AP4E1: variants seen among roughly 807,000 people sequenced by gnomAD.
AP4E1 encodes AP-4 complex subunit epsilon-1.
Under a neutral mutation model 128.2 loss-of-function variants are expected in AP4E1, and 56 were observed. The observed-to-expected ratio is 0.44, with a 90% CI of 0.35 to 0.55. The LOEUF is 0.55. Ranked by LOEUF, AP4E1 falls within the 20% of genes least tolerant of loss-of-function variation. The probability of loss-of-function intolerance (pLI) is 0.00; values close to 1 mark genes in which losing one functional copy is unlikely to be tolerated. For synonymous variants in AP4E1, 484 were observed against 473.1 expected, an observed-to-expected ratio of 1.02 and a Z score of -0.30; for missense variants, 1,324 against 1,307.7, an observed-to-expected ratio of 1.01 and a Z score of -0.19.
At position 50,947,903 on chromosome 15, in the gene AP4E1, C is replaced by T. The variant is rs1015207291; in HGVS notation, c.1177-117C>T. The T allele has an allele frequency of 1.0e-4, 83 of 822,944 alleles. 1 individual carries two copies. In the South Asian group the frequency reaches 1.4e-3, roughly 14 times the overall value. 51.0% of individuals were successfully genotyped at this position (822,944 alleles called of 1,614,324 possible). On this transcript the variant is annotated intron_variant, in intron 10 of 20. Coordinates refer to ENST00000261842, the MANE Select transcript of AP4E1 (RefSeq NM_007347.5). ...ATTTCTTACCTGTTAACTGACTACC[C>T]AGTAGATCTCCATAAAAGTAGAAGA...
In AP4E1 at chr15:51,002,705, A is replaced by C. The variant is rs760193497; in HGVS notation, c.*43A>C. 1 of 1,609,338 alleles carries C rather than the reference A, an allele frequency of 6.2e-7. No homozygotes were observed. Among genetic ancestry groups the C allele is most frequent in the South Asian group, 1.1e-5 (1 of 90,754 alleles). ...TTTACTCCATCAAGATCAATGGTTT[A>C]CATAGATAAACTTATTTACCAAAGT... On this transcript the variant is annotated 3_prime_UTR_variant, in exon 21 of 21. Transcript: ENST00000261842.
At chr15:50,947,829 AT>A (rs990542932) in intron 10 of AP4E1, among the ~76,000 whole-genome samples, 190 bp from the exon 11 acceptor site, 4 of 152,282 alleles carry the variant, frequency 2.6e-5, no homozygotes, top group African/African-American at 4.8e-5. Context: ...ATCATAATTC[AT>A]TTTTTGACGA....
intron 5 of AP4E1, 80 bp from the exon 6 acceptor site, chr15:50,928,929 A>G: frequency 7.2e-7 from 1 of 1,383,766 alleles, no homozygotes; most frequent in Non-Finnish European, 1.0e-6. Flanking sequence ...AGTATTTTGA[A>G]ATCATCTGGC....
At chr15:50,924,038 T>C in intron 4 of AP4E1, 34 bp downstream of exon 4, 1 of 1,534,914 alleles carries the variant, frequency 6.5e-7, no homozygotes, top group Non-Finnish European at 9.0e-7. Flanking sequence ...TATGAAGTCA[T>C]AATTCTTGTC....
intron 3 of AP4E1, among the ~76,000 whole-genome samples, chr15:50,920,756 T>G (rs927835195): frequency 1.3e-5 from 2 of 152,214 alleles, no homozygotes; most frequent in Non-Finnish European, 2.9e-5. Flanking sequence ...CTCCTGAATT[T>G]TAAAGCCTGC....
At chr15:50,934,799 C>A in intron 8 of AP4E1, 102 bp downstream of exon 8, 1 of 755,484 alleles carries the variant, frequency 1.3e-6, no homozygotes, top group Non-Finnish European at 2.3e-6. Context: ...GAATTTTATA[C>A]ACTGATTTTA....
intron 8 of AP4E1, among the ~76,000 whole-genome samples, chr15:50,935,004 C>A (rs1338846688): frequency 6.6e-6 from 1 of 151,868 alleles, no homozygotes; most frequent in Non-Finnish European, 1.5e-5. Flanking sequence ...TAGATTTGTT[C>A]CATGCTTGGT....
At chr15:50,986,302 T>C (rs909270269) in intron 16 of AP4E1, among the ~76,000 whole-genome samples, 13 of 152,200 alleles carry the variant, frequency 8.5e-5, no homozygotes, top group Non-Finnish European at 1.6e-4. Flanking sequence ...CTTTTATTTC[T>C]TTCTCCTGCC....
At chr15:50,918,439 A>C in intron 3 of AP4E1, among the ~76,000 whole-genome samples, 1 of 152,210 alleles carries the variant, frequency 6.6e-6, no homozygotes, top group Non-Finnish European at 1.5e-5. Flanking sequence ...GAAATTTTGA[A>C]AACAGTAGAT....
At position 50,908,942 on chromosome 15, in the gene AP4E1, G is replaced by T; in HGVS notation, c.150+14G>T. On this transcript the variant is annotated intron_variant, in intron 1 of 20. Coordinates refer to ENST00000261842, the MANE Select transcript of AP4E1 (RefSeq NM_007347.5). ...ACCTCCAAGCACGTAGGTGCCCGCC[G>T]GCCCGGGAGCTCAGGGACATCGGAG... 6.2e-7 allele frequency: 1 copy of T among 1,610,404 alleles called. No homozygotes were observed. Among genetic ancestry groups the T allele is most frequent in the African/African-American group, 1.3e-5 (1 of 75,018 alleles).
chr15:50,993,622 C>A lies in AP4E1; in HGVS notation c.2343C>A (p.Asn781Lys). ...FVGLGSESTI[N>K]LLGKADTVSH... ...GTCTAGGATCAGAAAGTACAATCAA[C>A]CTGGTAAGTAATCGGTTCTATTCCT... The change falls in exon 17 of 21, where the codon AAC becomes AAA. Residue 781 changes from asparagine (N) to lysine (K), a missense_variant. By Grantham distance (94) the Asn-to-Lys change is moderately conservative. Transcript: ENST00000261842. 6.2e-7 allele frequency: 1 copy of A among 1,613,944 alleles called. No homozygotes were observed. The highest frequency in any genetic ancestry group is 8.5e-7 in the Non-Finnish European group (1 of 1,179,886).
intron 3 of AP4E1, 33 bp from the exon 4 acceptor site, chr15:50,923,894 GTAGT>G (rs762389793): frequency 3.4e-6 from 5 of 1,485,522 alleles, no homozygotes; most frequent in Non-Finnish European, 4.7e-6. Flanking sequence ...TCTGTTTTTG[GTAGT>G]TAGTAATCAG....
chr15:50,928,862 A>G, intron 5 of AP4E1, 147 bp from the exon 6 acceptor site: 2 of 816,744 alleles, frequency 2.4e-6, no homozygotes, highest in South Asian at 1.8e-5. Flanking sequence ...ATTAGAATAA[A>G]TAAATTAATC....
chr15:50,950,991 G>A (rs1369582397), intron 13 of AP4E1, among the ~76,000 whole-genome samples: 1 of 152,120 alleles, frequency 6.6e-6, no homozygotes, highest in Admixed American at 6.5e-5. Context: ...TGGTGTATAT[G>A]TACTACATTT....
At chr15:50,939,929 G>A (rs2063960253) in intron 8 of AP4E1, among the ~76,000 whole-genome samples, 1 of 152,122 alleles carries the variant, frequency 6.6e-6, no homozygotes. Context: ...AGGTCATGGA[G>A]GTTTCTGTCG....
At chr15:50,925,305 C>A in intron 5 of AP4E1, 86 bp downstream of exon 5, 2 of 1,376,444 alleles carry the variant, frequency 1.5e-6, no homozygotes, top group Non-Finnish European at 2.0e-6. Context: ...AACTTCAGTG[C>A]TACCAGGATA....
chr15:50,977,007 CTCTT>C (rs2064561178), intron 15 of AP4E1, among the ~76,000 whole-genome samples: 1 of 152,228 alleles, frequency 6.6e-6, no homozygotes, highest in Admixed American at 6.5e-5. Context: ...AATTTAAACT[CTCTT>C]TCAAAGTGTA....
intron 16 of AP4E1, among the ~76,000 whole-genome samples, chr15:50,991,133 A>G (rs1238462666): frequency 6.6e-6 from 1 of 152,110 alleles, no homozygotes. Context: ...AAGGGGTGTG[A>G]TCTTGCGTGA....
At chr15:50,939,346 G>A (rs1377811439) in intron 8 of AP4E1, among the ~76,000 whole-genome samples, 3 of 151,796 alleles carry the variant, frequency 2.0e-5, no homozygotes, top group Admixed American at 1.3e-4. Context: ...GATGGTGCAC[G>A]CTTGTACTGC....
Sources: allele counts gnomAD v4.1 joint callset (sites outside exome capture counted in the v4.1 genomes callset), GRCh38; gene constraint gnomAD v4.1.1; transcripts MANE v1.5; gene names NCBI Gene and HGNC (gene_info 2026-07-23, HGNC 2026-07-21).